Variants in MKKS observed in about 807,000 individuals in gnomAD.
MKKS encodes molecular chaperone MKKS.
Under a neutral mutation model 33.2 loss-of-function variants are expected in MKKS, and 29 were observed. The observed-to-expected ratio is 0.87, with a 90% CI of 0.65 to 1.19. The LOEUF is 1.19. MKKS is among the 50% of genes most tolerant of loss of function. The pLI, the probability that MKKS is intolerant of heterozygous loss-of-function variation, is 0.00. For synonymous variants in MKKS, 260 were observed against 244.0 expected, an observed-to-expected ratio of 1.07 and a Z score of -0.61; for missense variants, 661 against 662.3, an observed-to-expected ratio of 1.00 and a Z score of 0.02.
In MKKS at chr20:10,410,352, C is replaced by T. The variant is rs116581079; in HGVS notation, c.986-1549G>A. On this transcript the variant is annotated intron_variant, in intron 3 of 5. Transcript: ENST00000347364. ...GTCAAATGTTAAAAATGCTCCAGGC[C>T]GGGCGTGGTGGCTCATGCCTGTAAT... 8.9e-3 allele frequency among the ~76,000 whole-genome samples: 1,358 copies of T among 152,194 alleles called. 22 individuals carry two copies. The highest frequency in any genetic ancestry group is 0.03 in the African/African-American group (1,262 of 41,512).
At chr20:10,408,226 C>T (rs748514386) in intron 4 of MKKS, among the ~76,000 whole-genome samples, 1 of 152,134 alleles carries the variant, frequency 6.6e-6, no homozygotes, top group Non-Finnish European at 1.5e-5. Context: ...ATTATCATTT[C>T]CCTTGTATAA....
chr20:10,416,211 ACTT>A (rs1392302197), intron 2 of MKKS, among the ~76,000 whole-genome samples: 1 of 152,196 alleles, frequency 6.6e-6, no homozygotes, highest in Non-Finnish European at 1.5e-5. Context: ...AACTTGCATG[ACTT>A]CTTCTAAATT....
intron 2 of MKKS, among the ~76,000 whole-genome samples, chr20:10,419,897 G>GT (rs1305293699): frequency 6.6e-6 from 1 of 152,180 alleles, no homozygotes; most frequent in Non-Finnish European, 1.5e-5. Context: ...TTGACTGCAG[G>GT]TAACTGAAAC....
At chr20:10,431,157 CAT>C (rs2065051267) in intron 1 of MKKS, among the ~76,000 whole-genome samples, 2 of 152,064 alleles carry the variant, frequency 1.3e-5, no homozygotes, top group African/African-American at 4.8e-5. Flanking sequence ...TTATACGAAT[CAT>C]ATATAAAAAT....
intron 2 of MKKS, among the ~76,000 whole-genome samples, chr20:10,419,075 T>C (rs2064961127): frequency 6.6e-6 from 1 of 152,128 alleles, no homozygotes; most frequent in African/African-American, 2.4e-5. Context: ...AAAATATTGT[T>C]GAAACCAGTA....
chr20:10,408,704 T>A lies in MKKS; in HGVS notation c.1085A>T (p.His362Leu). The A allele has an allele frequency of 6.2e-7, 1 of 1,614,060 alleles. No individual in the cohort carries two copies. The highest frequency in any genetic ancestry group is 1.7e-4 in the Middle Eastern group (1 of 6,060). ...GATTGTTGCTTCATTAGGAATAAGA[T>A]GAAAAAAATGTTTGGAGCCAAATTT... Reference protein sequence around the residue: ...TAKFGSKHFFHLIPNEATICS... With the variant: ...TAKFGSKHFFLLIPNEATICS... Residue 362 changes from histidine (H) to leucine (L), a missense_variant, in exon 4 of 6, where the codon CAT becomes CTT. Coordinates refer to ENST00000347364, the MANE Select transcript of MKKS (RefSeq NM_170784.3).
At chr20:10,420,276 G>A (rs1204971186) in intron 2 of MKKS, among the ~76,000 whole-genome samples, 1 of 152,068 alleles carries the variant, frequency 6.6e-6, no homozygotes, top group African/African-American at 2.4e-5. Flanking sequence ...ACACATTCAT[G>A]ATCCTGGTGA....
intron 1 of MKKS, among the ~76,000 whole-genome samples, chr20:10,423,629 A>G (rs566060946): frequency 1.4e-4 from 21 of 152,296 alleles, no homozygotes; most frequent in African/African-American, 4.8e-4. Flanking sequence ...AGAAGAGTGA[A>G]AATTATATAG....
chr20:10,427,508 T>C (rs2065024212), intron 1 of MKKS, among the ~76,000 whole-genome samples: 2 of 152,240 alleles, frequency 1.3e-5, no homozygotes, highest in African/African-American at 2.4e-5. Flanking sequence ...TCTTTTACAA[T>C]GACAATGTTG....
At position 10,409,031 on chromosome 20, in the gene MKKS, CTT is replaced by C. The variant is rs567047900; in HGVS notation, c.986-230_986-229del. Among the ~76,000 whole-genome samples the C allele has an allele frequency of 1.3e-3, 198 of 152,208 alleles. 1 individual carries two copies. Among genetic ancestry groups the C allele is most frequent in the Admixed American group, 3.1e-3 (47 of 15,292 alleles). ...AGAAGTTATTTTTGTTTACAGATCT[CTT>C]TGAAAATCTTTTAGAAGTCATTTTG... On this transcript the variant is annotated intron_variant, in intron 3 of 5. Transcript: ENST00000347364.
chr20:10,425,311 T>A (rs1340515366), intron 1 of MKKS, among the ~76,000 whole-genome samples: 5 of 152,180 alleles, frequency 3.3e-5, no homozygotes, highest in Admixed American at 2.0e-4. Context: ...ATTTGACCAA[T>A]CTGTGATTGA....
At chr20:10,426,775 G>T (rs1473269300) in intron 1 of MKKS, among the ~76,000 whole-genome samples, 1 of 152,158 alleles carries the variant, frequency 6.6e-6, no homozygotes, top group Non-Finnish European at 1.5e-5. Flanking sequence ...AAATTAGAGG[G>T]CATCTTACAG....
intron 1 of MKKS, among the ~76,000 whole-genome samples, chr20:10,433,007 TTTTA>T (rs916764518): frequency 2.1e-4 from 32 of 152,242 alleles, no homozygotes; most frequent in African/African-American, 7.0e-4. Flanking sequence ...CCCAGAATGT[TTTTA>T]TTTATTTATT....
rs769096000 is a variant in MKKS at position 10,413,368 on chromosome 20, G to A, written c.147C>T (p.Gly49=). 33 of 1,613,458 alleles carry A rather than the reference G, an allele frequency of 2.0e-5. No individual in the cohort carries two copies. The South Asian group carries it at 3.5e-4, about 17-fold the overall frequency. The change falls in exon 3 of 6, where the codon GGC becomes GGT. Residue 49 remains glycine, a synonymous_variant. Transcript: ENST00000347364. ...PSGRLKQLHN[G]FGGYVCTTSQ... ...AGGTTGTACACACGTAACCTCCAAA[G>A]CCATTGTGCAGCTGCTTCAGCCTAC... is the stretch of plus-strand genomic sequence containing the variant.
At chr20:10,424,354 G>C (rs1041081290) in intron 1 of MKKS, among the ~76,000 whole-genome samples, 1 of 152,022 alleles carries the variant, frequency 6.6e-6, no homozygotes, top group Non-Finnish European at 1.5e-5. Context: ...CCATGAGTTC[G>C]AGACTGCCTG....
intron 3 of MKKS, among the ~76,000 whole-genome samples, chr20:10,410,711 CATT>C (rs1379203587): frequency 1.3e-5 from 2 of 152,154 alleles, no homozygotes; most frequent in Non-Finnish European, 2.9e-5. Flanking sequence ...CAACCTATAT[CATT>C]AATAAACAGG....
intron 1 of MKKS, among the ~76,000 whole-genome samples, chr20:10,430,268 C>CT (rs2065045667): frequency 6.6e-6 from 1 of 152,178 alleles, no homozygotes; most frequent in Non-Finnish European, 1.5e-5. Context: ...CTCATACCAC[C>CT]TGGCTTTGAA....
At chr20:10,426,811 A>G (rs1166172032) in intron 1 of MKKS, among the ~76,000 whole-genome samples, 1 of 152,214 alleles carries the variant, frequency 6.6e-6, no homozygotes, top group African/African-American at 2.4e-5. Flanking sequence ...AAACAAAAAA[A>G]TTAGAGGGCA....
chr20:10,430,705 A>G (rs2065048646), intron 1 of MKKS, among the ~76,000 whole-genome samples: 1 of 152,326 alleles, frequency 6.6e-6, no homozygotes, highest in African/African-American at 2.4e-5. Context: ...ATTATAGGAC[A>G]GATAACTGTC....
Sources: gnomAD v4.1 joint callset for allele counts (sites outside exome capture counted in the v4.1 genomes callset) on GRCh38, gnomAD v4.1.1 for gene constraint, MANE v1.5 for transcripts, NCBI Gene and HGNC (gene_info 2026-07-23, HGNC 2026-07-21) for gene names.